Variants in MYT1L observed in about 807,000 individuals in gnomAD.
MYT1L encodes the protein myelin transcription factor 1-like protein.
A neutral mutation model predicts 126.7 loss-of-function variants in MYT1L; 12 were observed. That is an observed-to-expected ratio of 0.09 (90% confidence interval 0.06 to 0.15). The LOEUF (loss-of-function observed/expected upper bound fraction) is 0.15. Ranked by LOEUF, MYT1L falls within the 10% of genes least tolerant of loss-of-function variation. The pLI, the probability that MYT1L is intolerant of heterozygous loss-of-function variation, is 1.00. For synonymous variants in MYT1L, 541 were observed against 604.2 expected, an observed-to-expected ratio of 0.90 and a Z score of 1.53; for missense variants, 979 against 1,585.2, an observed-to-expected ratio of 0.62 and a Z score of 6.49.
At chr2:2,327,523 A>G (rs997524315) in intron 1 of MYT1L, among the ~76,000 whole-genome samples, 7 of 152,220 alleles carry the variant, frequency 4.6e-5, no homozygotes, top group Non-Finnish European at 7.3e-5. Context: ...AGGAAAATGC[A>G]TAACATCATT....
intron 4 of MYT1L, among the ~76,000 whole-genome samples, chr2:2,002,673 G>A (rs1010288102): frequency 6.6e-6 from 1 of 152,212 alleles, no homozygotes; most frequent in Non-Finnish European, 1.5e-5. Flanking sequence ...TTAGCCTTGT[G>A]ATATGTGTCC....
intron 4 of MYT1L, among the ~76,000 whole-genome samples, chr2:2,016,033 T>C (rs1260667595): frequency 5.9e-5 from 9 of 152,226 alleles, no homozygotes; most frequent in Admixed American, 5.2e-4. Context: ...TCCACTGTTT[T>C]CTTTAATAAA....
chr2:2,291,483 G>A (rs2095598809), intron 1 of MYT1L, among the ~76,000 whole-genome samples: 1 of 152,240 alleles, frequency 6.6e-6, no homozygotes. Flanking sequence ...ATGGGAGGCA[G>A]GAGACTGGCC....
chr2:2,321,831 G>T (rs992857779), intron 1 of MYT1L, among the ~76,000 whole-genome samples: 3 of 152,230 alleles, frequency 2.0e-5, no homozygotes, highest in Middle Eastern at 6.8e-3. Context: ...TTTCTTTAAA[G>T]AAATTGGAGT....
chr2:2,312,017 G>A (rs972149157), intron 1 of MYT1L, among the ~76,000 whole-genome samples: 2 of 152,156 alleles, frequency 1.3e-5, no homozygotes, highest in African/African-American at 4.8e-5. Flanking sequence ...CTGCTGTTGG[G>A]GAAACAAGCC....
chr2:2,316,977 A>G (rs7578173), intron 1 of MYT1L, among the ~76,000 whole-genome samples: 4 of 145,976 alleles, frequency 2.7e-5, no homozygotes, highest in Admixed American at 2.1e-4. Flanking sequence ...TGCCCAGCCA[A>G]TTTTTTTTTT....
chr2:2,195,003 A>G (rs1028256523), intron 2 of MYT1L, among the ~76,000 whole-genome samples: 1 of 152,218 alleles, frequency 6.6e-6, no homozygotes, highest in Non-Finnish European at 1.5e-5. Context: ...TGCAAAGACA[A>G]ACAATCTTGT....
chr2:2,142,105 T>G (rs1412517649), intron 3 of MYT1L, among the ~76,000 whole-genome samples: 1 of 152,156 alleles, frequency 6.6e-6, no homozygotes, highest in Non-Finnish European at 1.5e-5. Context: ...AGTTCATGCT[T>G]TCTCTCATAT....
chr2:2,187,216 C>T (rs1559277771), intron 2 of MYT1L, among the ~76,000 whole-genome samples: 1 of 152,050 alleles, frequency 6.6e-6, no homozygotes, highest in African/African-American at 2.4e-5. Flanking sequence ...GAGCTTCCCC[C>T]AGCCATCAGC....
At chr2:2,143,435 C>T (rs2084355887) in intron 3 of MYT1L, among the ~76,000 whole-genome samples, 1 of 152,134 alleles carries the variant, frequency 6.6e-6, no homozygotes, top group Non-Finnish European at 1.5e-5. Context: ...CTTCACCCCA[C>T]ATGGCCACAC....
rs1023571708 is a variant in MYT1L, at chr2:2,228,870, A to T, written c.-421+55534T>A. 2.6e-5 allele frequency among the ~76,000 whole-genome samples: 4 copies of T among 152,168 alleles called. No individual in the cohort carries two copies. In the South Asian group the frequency reaches 8.3e-4, roughly 31 times the overall value. ...ATAAATTTGTGCTCAATATTAGCACATATTAACAATCTTTTTAAAAAATAC... is the reference window on the plus strand; with the variant it reads ...ATAAATTTGTGCTCAATATTAGCACTTATTAACAATCTTTTTAAAAAATAC... On this transcript the variant is annotated intron_variant, in intron 2 of 24. Transcript: ENST00000647738. The surrounding 1 kb of genome is among the most constrained non-coding windows in gnomAD (Gnocchi z 5.9).
chr2:2,121,521 C>T (rs1432790734), intron 3 of MYT1L, among the ~76,000 whole-genome samples: 1 of 151,134 alleles, frequency 6.6e-6, no homozygotes, highest in African/African-American at 2.4e-5. Context: ...TTGTTTCGCT[C>T]TGTCACCCAG....
intron 4 of MYT1L, among the ~76,000 whole-genome samples, chr2:1,998,683 C>T (rs891141625): frequency 2.0e-5 from 3 of 152,112 alleles, no homozygotes; most frequent in South Asian, 4.1e-4. Flanking sequence ...CCAGATTGAT[C>T]TTTTTTCTCT....
chr2:2,144,989 A>C (rs1419343761), intron 3 of MYT1L, among the ~76,000 whole-genome samples: 1 of 152,246 alleles, frequency 6.6e-6, no homozygotes, highest in African/African-American at 2.4e-5. Flanking sequence ...ACTTGTAAAA[A>C]TATCTCTGAT....
intron 3 of MYT1L, among the ~76,000 whole-genome samples, chr2:2,143,517 G>A (rs940229522): frequency 1.3e-5 from 2 of 152,024 alleles, no homozygotes; most frequent in Non-Finnish European, 2.9e-5. Context: ...GTCCTCTCAG[G>A]GGGTAGGAGC....
At chr2:2,183,852 G>A (rs1441427330) in intron 2 of MYT1L, among the ~76,000 whole-genome samples, 1 of 139,206 alleles carries the variant, frequency 7.2e-6, no homozygotes, top group Non-Finnish European at 1.5e-5. Context: ...AGGAAGGAGA[G>A]GAGGGAAGGA....
chr2:2,013,189 C>T (rs955528928), intron 4 of MYT1L, among the ~76,000 whole-genome samples: 1 of 152,162 alleles, frequency 6.6e-6, no homozygotes, highest in Non-Finnish European at 1.5e-5. Flanking sequence ...AAGGAACACT[C>T]AGGAAACACA....
chr2:1,958,996 T>C (rs1268219640), intron 8 of MYT1L, among the ~76,000 whole-genome samples: 1 of 152,268 alleles, frequency 6.6e-6, no homozygotes, highest in South Asian at 2.1e-4. Context: ...GTCAGTCTCA[T>C]AAATTATAAA....
intron 3 of MYT1L, among the ~76,000 whole-genome samples, chr2:2,159,797 CT>C: frequency 6.6e-6 from 1 of 152,210 alleles, no homozygotes; most frequent in African/African-American, 2.4e-5. Flanking sequence ...TGCCTAGTAC[CT>C]TTGCATTAAA....
Sources: allele counts gnomAD v4.1 joint callset (sites outside exome capture counted in the v4.1 genomes callset), GRCh38; gene constraint gnomAD v4.1.1; non-coding constraint Gnocchi (gnomAD v3.1); transcripts MANE v1.5; gene names NCBI Gene and HGNC (gene_info 2026-07-23, HGNC 2026-07-21).